The following TMEM114 variants were observed in gnomAD, a reference collection of about 807,000 sequenced individuals.
TMEM114 encodes the protein claudin-26.
A neutral mutation model predicts 6.2 loss-of-function variants in TMEM114; 6 were observed. The observed-to-expected ratio is 0.97, with a 90% CI of 0.53 to 1.91. The LOEUF (loss-of-function observed/expected upper bound fraction) is 1.91, where lower values mean the gene tolerates loss of function less well. Ranked by LOEUF, TMEM114 falls within the 40% of genes most tolerant of loss-of-function variation. The pLI, the probability that TMEM114 is intolerant of heterozygous loss-of-function variation, is 0.01. For missense variants in TMEM114, 218 were observed against 158.3 expected (o/e 1.38, Z -2.02); for synonymous variants, 104 against 73.0 (o/e 1.42, Z -2.16).
intron 2 of TMEM114, among the ~76,000 whole-genome samples, chr16:8,552,344 A>T (rs116352577): frequency 1.3e-3 from 202 of 152,232 alleles, no homozygotes; most frequent in African/African-American, 3.9e-3. Flanking sequence ...TATTCACTCC[A>T]CTGCTCTCCA....
chr16:8,551,910 T>A (rs577117834), intron 2 of TMEM114, among the ~76,000 whole-genome samples: 2 of 152,158 alleles, frequency 1.3e-5, no homozygotes, highest in African/African-American at 4.8e-5. Context: ...TACTCAGCAA[T>A]GAAAAGGAGC....
intron 2 of TMEM114, among the ~76,000 whole-genome samples, chr16:8,560,994 C>A (rs984110554): frequency 1.3e-5 from 2 of 152,104 alleles, no homozygotes; most frequent in African/African-American, 4.8e-5. Flanking sequence ...GGAATGAGAG[C>A]CAAGCAAAAG....
At chr16:8,564,519 G>A (rs1176392786), downstream of TMEM114, among the ~76,000 whole-genome samples, 11 of 131,958 alleles carry the variant, frequency 8.3e-5, 1 homozygote, top group South Asian at 5.2e-4. Context: ...ATGAGTGAGT[G>A]ACGGAGGGAG....
intron 2 of TMEM114, among the ~76,000 whole-genome samples, chr16:8,539,379 T>C (rs1296001935): frequency 6.6e-6 from 1 of 152,136 alleles, no homozygotes; most frequent in Non-Finnish European, 1.5e-5. Context: ...TTACCCAGAA[T>C]ACTTGCCCCT....
the TMEM114 span, among the ~76,000 whole-genome samples, chr16:8,531,716 A>G: frequency 3.9e-4 from 59 of 152,260 alleles, no homozygotes; most frequent in Non-Finnish European, 6.3e-4. Flanking sequence ...TGAATAATTC[A>G]TGGGACACTC....
intron 2 of TMEM114, among the ~76,000 whole-genome samples, chr16:8,560,245 G>C (rs534238788): frequency 7.2e-5 from 11 of 151,836 alleles, no homozygotes; most frequent in African/African-American, 2.7e-4. Flanking sequence ...CGATCCTCCT[G>C]TCTTGGCCTT....
rs1902342617 is a variant in TMEM114 at position 8,587,006 on chromosome 16, C to T, written c.301+2207G>A. On this transcript the variant is annotated intron_variant, in intron 2 of 3. Transcript: ENST00000620492. ...GCTGACTCATATCAACTCACAAGAG[C>T]CAGTTAAGCTTTTGAGAATTTTGTG... Among the ~76,000 whole-genome samples the T allele has an allele frequency of 3.9e-5, 6 of 152,204 alleles. No homozygotes were observed. In the South Asian group the frequency reaches 1.2e-3, roughly 32 times the overall value.
At chr16:8,575,394 G>C (rs1901885308) in intron 2 of TMEM114, among the ~76,000 whole-genome samples, 1 of 152,190 alleles carries the variant, frequency 6.6e-6, no homozygotes, top group African/African-American at 2.4e-5. Flanking sequence ...TGTTGACAGA[G>C]TACCCGTATG....
At chr16:8,530,613 G>A in the TMEM114 span, among the ~76,000 whole-genome samples, 2 of 151,788 alleles carry the variant, frequency 1.3e-5, no homozygotes, top group African/African-American at 4.8e-5. Context: ...AAGAAGGGAA[G>A]GTGGGATGGA....
intron 2 of TMEM114, among the ~76,000 whole-genome samples, chr16:8,559,253 G>A (rs1443537691): frequency 6.6e-6 from 1 of 151,892 alleles, no homozygotes; most frequent in Admixed American, 6.6e-5. Context: ...GTGTTGGCCA[G>A]GCTGGTCTCC....
Position 8,589,793 on chromosome 16 carries a change from C to T in TMEM114, c.46G>A (p.Gly16Arg). ...GGLAGAAALT[G>R]ALSFVLLAAA... is the part of the protein sequence containing the mutation. ...GCCAGGAGCACAAAGCTGAGCGCCC[C>T]GGTCAGCGCAGCCGCGCCGGCCAGC... Residue 16 changes from glycine (G) to arginine (R), a missense_variant, in exon 1 of 4, where the codon GGG (glycine) becomes AGG (arginine). Coordinates refer to ENST00000620492, the MANE Select transcript of TMEM114 (RefSeq NM_001146336.2). The T allele has an allele frequency of 2.5e-6, 1 of 398,326 alleles. No homozygotes were observed. Among genetic ancestry groups the T allele is most frequent in the East Asian group, 3.6e-5 (1 of 28,046 alleles). The allele number at this position is 398,326 out of a possible 1,614,324, so 24.7% of individuals were successfully genotyped here. A position where few individuals can be genotyped will look rare whatever the true frequency, so the allele number is the denominator to read the frequency against.
chr16:8,550,507 C>T (rs1456868225), intron 2 of TMEM114, among the ~76,000 whole-genome samples: 3 of 151,908 alleles, frequency 2.0e-5, no homozygotes, highest in African/African-American at 7.3e-5. Context: ...GGTGAAACCC[C>T]ATCTCTACTA....
chr16:8,578,313 A>G (rs1469980954), intron 2 of TMEM114, among the ~76,000 whole-genome samples: 4 of 152,074 alleles, frequency 2.6e-5, no homozygotes, highest in Non-Finnish European at 5.9e-5. Context: ...TGATGGTTCT[A>G]GGGGAGAATC....
chr16:8,559,300 C>G (rs575663014), intron 2 of TMEM114, among the ~76,000 whole-genome samples: 1 of 152,344 alleles, frequency 6.6e-6, no homozygotes, highest in Admixed American at 6.5e-5. Flanking sequence ...ACCTCAGCCT[C>G]CCAAAACGCT....
chr16:8,569,352 A>T (rs1227016709), downstream of TMEM114: 3 of 636,924 alleles, frequency 4.7e-6, no homozygotes, highest in South Asian at 1.3e-4. Flanking sequence ...AGAGCTCCCC[A>T]GAGAGAGCTG....
Position 8,589,224 on chromosome 16 carries a change from C to G in TMEM114, c.290G>C (p.Arg97Pro), listed in dbSNP as rs1902408271. 1.0e-5 allele frequency: 4 copies of G among 398,718 alleles called. No individual in the cohort carries two copies. The highest frequency in any genetic ancestry group is 1.8e-5 in the Non-Finnish European group (4 of 226,268). The allele number at this position is 398,718 out of a possible 1,614,324, so 24.7% of individuals were successfully genotyped here. ...CTCCCCGGACTCACTGAGAAGTTGC[C>G]GGCTCGATTCGCTGACTGTCACGTT... ...LENVTVSESS[R>P]QLLTMHGTFV... The change falls in exon 2 of 4, where the codon CGG (arginine) becomes CCG (proline). Residue 97 changes from arginine to proline, a missense_variant. Arg to Pro is a moderately radical substitution (Grantham distance 103). Coordinates refer to ENST00000620492, the MANE Select transcript of TMEM114 (RefSeq NM_001146336.2).
At chr16:8,574,681 C>A (rs182861432) in intron 2 of TMEM114, among the ~76,000 whole-genome samples, 2 of 151,932 alleles carry the variant, frequency 1.3e-5, no homozygotes, top group Non-Finnish European at 2.9e-5. Context: ...TCCATCCCCC[C>A]ACACACCATC....
chr16:8,588,635 G>T (rs938220585), intron 2 of TMEM114, among the ~76,000 whole-genome samples: 1 of 152,160 alleles, frequency 6.6e-6, no homozygotes. Context: ...AACCAACCAG[G>T]AATAAGAGGG....
At chr16:8,587,856 G>A (rs1902362580) in intron 2 of TMEM114, among the ~76,000 whole-genome samples, 2 of 150,916 alleles carry the variant, frequency 1.3e-5, no homozygotes, top group East Asian at 2.0e-4. Flanking sequence ...GTAGGGTTGA[G>A]TGGAGGGAGA....
Sources: gnomAD v4.1 joint callset for allele counts (sites outside exome capture counted in the v4.1 genomes callset) on GRCh38, gnomAD v4.1.1 for gene constraint, MANE v1.5 for transcripts, NCBI Gene and HGNC (gene_info 2026-07-23, HGNC 2026-07-21) for gene names.